The following LRRTM4 variants were observed in gnomAD, a reference collection of about 807,000 sequenced individuals.
LRRTM4 encodes leucine rich repeat transmembrane neuronal 4.
In LRRTM4, 25 loss-of-function variants were observed where a neutral mutation model predicts 47.6. The observed-to-expected ratio is 0.53, with a 90% confidence interval of 0.38 to 0.73. LRRTM4 has a LOEUF of 0.73. LRRTM4 is among the 30% of genes least tolerant of loss of function. The probability of loss-of-function intolerance (pLI) is 0.00; values close to 1 mark genes in which losing one functional copy is unlikely to be tolerated. For synonymous variants in LRRTM4, 311 were observed against 269.5 expected (o/e 1.15, Z -1.51); for missense variants, 638 against 713.4 (o/e 0.89, Z 1.20).
At chr2:77,101,980 C>T (rs991246531) in intron 3 of LRRTM4, among the ~76,000 whole-genome samples, 2 of 152,226 alleles carry the variant, frequency 1.3e-5, no homozygotes, top group Admixed American at 6.5e-5. Context: ...TTCTCTTCCA[C>T]TAAGATAACT....
rs550859614 is a variant in LRRTM4, at chr2:76,803,089, T to C, written c.1552-54173A>G. ...ATATGAACAAAAAAGTATGGGTAAC[T>C]AAAGCAAAAATAGACAAATGGTATT... is the stretch of plus-strand genomic sequence containing the variant. On this transcript the variant is annotated intron_variant, in intron 3 of 3. Coordinates refer to ENST00000409884, the MANE Select transcript of LRRTM4 (RefSeq NM_001134745.3). 3.9e-5 allele frequency among the ~76,000 whole-genome samples: 6 copies of C among 152,180 alleles called. No homozygotes were observed. The South Asian group carries it at 1.2e-3, about 32-fold the overall frequency.
intron 3 of LRRTM4, among the ~76,000 whole-genome samples, chr2:77,044,917 GTGTGTATA>G (rs894000050): frequency 2.6e-5 from 4 of 151,836 alleles, no homozygotes; most frequent in South Asian, 2.1e-4. Context: ...ATAGGTGTTT[GTGTGTATA>G]TGTGTATATG....
chr2:77,498,831 C>T (rs1248327576), intron 3 of LRRTM4, among the ~76,000 whole-genome samples: 1 of 151,828 alleles, frequency 6.6e-6, no homozygotes, highest in Non-Finnish European at 1.5e-5. Context: ...GGAAGTATAT[C>T]ATCCATGTCA....
At chr2:77,246,501 TTC>T (rs1173466358) in intron 3 of LRRTM4, among the ~76,000 whole-genome samples, 1 of 152,172 alleles carries the variant, frequency 6.6e-6, no homozygotes, top group African/African-American at 2.4e-5. Context: ...AATATTTAAT[TTC>T]TCAGTCACAT....
intron 3 of LRRTM4, among the ~76,000 whole-genome samples, chr2:76,929,750 A>T (rs983680136): frequency 6.6e-5 from 10 of 152,166 alleles, no homozygotes; most frequent in African/African-American, 2.2e-4. Flanking sequence ...GCCTCCACCA[A>T]ACCACATATC....
intron 3 of LRRTM4, among the ~76,000 whole-genome samples, chr2:76,759,394 G>A (rs1281844368): frequency 6.6e-6 from 1 of 152,142 alleles, no homozygotes; most frequent in Non-Finnish European, 1.5e-5. Flanking sequence ...TGAACCTTCA[G>A]TTGGGAGTGC....
intron 3 of LRRTM4, among the ~76,000 whole-genome samples, chr2:77,425,536 T>C (rs1203433565): frequency 1.3e-5 from 2 of 152,184 alleles, no homozygotes; most frequent in Non-Finnish European, 2.9e-5. Context: ...TCTCTACTGA[T>C]TGGAATTCCT....
At chr2:77,068,790 A>C (rs1680047841) in intron 3 of LRRTM4, among the ~76,000 whole-genome samples, 1 of 152,234 alleles carries the variant, frequency 6.6e-6, no homozygotes, top group Non-Finnish European at 1.5e-5. Flanking sequence ...GGCCATAAAC[A>C]AAATCTCTAC....
chr2:77,161,593 G>A (rs1034207678), intron 3 of LRRTM4, among the ~76,000 whole-genome samples: 3 of 152,040 alleles, frequency 2.0e-5, no homozygotes, highest in Non-Finnish European at 2.9e-5. Flanking sequence ...CATTTTGTCT[G>A]TGAGTTTTTT....
At chr2:77,354,465 G>A (rs1388901020) in intron 3 of LRRTM4, among the ~76,000 whole-genome samples, 1 of 152,084 alleles carries the variant, frequency 6.6e-6, no homozygotes, top group Non-Finnish European at 1.5e-5. Flanking sequence ...GTTAGTTTGA[G>A]TAGCATATTT....
In LRRTM4 at chr2:76,799,308, A is replaced by T. The variant is rs1428276504; in HGVS notation, c.1552-50392T>A. ...AAGGCTGGTTCAATATACGCAAATC[A>T]ATAAATGTAATCCAGCATATAACCA... On this transcript the variant is annotated intron_variant, in intron 3 of 3. Coordinates refer to ENST00000409884, the MANE Select transcript of LRRTM4 (RefSeq NM_001134745.3). Among the ~76,000 whole-genome samples, 14 of 109,852 alleles carry T rather than the reference A, an allele frequency of 1.3e-4. 3 individuals are homozygous for T. The highest frequency in any genetic ancestry group is 1.9e-4 in the African/African-American group (4 of 21,578). 72.1% of individuals were successfully genotyped at this position (109,852 alleles called of 152,430 possible).
chr2:77,123,834 T>C (rs565250515), intron 3 of LRRTM4, among the ~76,000 whole-genome samples: 1 of 152,228 alleles, frequency 6.6e-6, no homozygotes, highest in South Asian at 2.1e-4. Flanking sequence ...CTTCTCCCAT[T>C]ATCCTTGGCC....
chr2:77,186,472 T>A (rs944776418), intron 3 of LRRTM4, among the ~76,000 whole-genome samples: 6 of 152,158 alleles, frequency 3.9e-5, no homozygotes, highest in Non-Finnish European at 8.8e-5. Flanking sequence ...CATTACCTTA[T>A]ATAGAATAAG....
chr2:77,317,383 A>G (rs1242257690), intron 3 of LRRTM4, among the ~76,000 whole-genome samples: 2 of 152,212 alleles, frequency 1.3e-5, no homozygotes, highest in African/African-American at 4.8e-5. Context: ...GAATTAAAAT[A>G]AATATTTCTG....
chr2:77,214,852 A>C (rs1674392323), intron 3 of LRRTM4, among the ~76,000 whole-genome samples: 1 of 152,162 alleles, frequency 6.6e-6, no homozygotes, highest in African/African-American at 2.4e-5. Context: ...GTATCCTAAA[A>C]AGGCAGTTCT....
intron 3 of LRRTM4, among the ~76,000 whole-genome samples, chr2:76,975,044 C>G (rs1376021130): frequency 6.6e-6 from 1 of 151,628 alleles, no homozygotes; most frequent in African/African-American, 2.4e-5. Context: ...CAGTGATATG[C>G]TGATCAGTGG....
At chr2:76,990,505 A>T (rs1008410741) in intron 3 of LRRTM4, among the ~76,000 whole-genome samples, 3 of 151,684 alleles carry the variant, frequency 2.0e-5, no homozygotes, top group Non-Finnish European at 4.4e-5. Context: ...ACTACCTTCT[A>T]TCAGATAAAA....
intron 3 of LRRTM4, among the ~76,000 whole-genome samples, chr2:77,403,439 A>G (rs1674044679): frequency 6.6e-6 from 1 of 151,926 alleles, no homozygotes. Context: ...TAGGTGCTTA[A>G]TAGTTGAATA....
intron 3 of LRRTM4, among the ~76,000 whole-genome samples, chr2:76,932,762 C>A (rs1391655672): frequency 6.6e-6 from 1 of 151,640 alleles, no homozygotes; most frequent in East Asian, 1.9e-4. Flanking sequence ...CATATACACA[C>A]GTGTGTATAC....
Sources: allele counts gnomAD v4.1 joint callset (sites outside exome capture counted in the v4.1 genomes callset), GRCh38; gene constraint gnomAD v4.1.1; transcripts MANE v1.5; gene names NCBI Gene and HGNC (gene_info 2026-07-23, HGNC 2026-07-21).